SAMMSON: variants seen among roughly 807,000 people sequenced by gnomAD.
SAMMSON encodes long intergenic non-protein coding RNA 1212.
intron 4 of SAMMSON, among the ~76,000 whole-genome samples, chr3:70,245,051 C>T (rs1022939686): frequency 5.9e-5 from 9 of 152,030 alleles, no homozygotes; most frequent in African/African-American, 2.2e-4. Context: ...GAATTGCAAT[C>T]AGGGATTTAC....
chr3:70,404,190 T>C (rs546292325), intron 2 of SAMMSON, among the ~76,000 whole-genome samples: 2 of 152,202 alleles, frequency 1.3e-5, no homozygotes, highest in South Asian at 4.1e-4. Flanking sequence ...ATCATTATAA[T>C]GGTGCTAATG....
intron 4 of SAMMSON, among the ~76,000 whole-genome samples, chr3:70,088,134 A>G (rs999786474): frequency 1.3e-5 from 2 of 152,308 alleles, no homozygotes; most frequent in East Asian, 1.9e-4. Flanking sequence ...AGGGTCTCCA[A>G]ATGCTCTAGG....
chr3:70,034,670 C>A (rs908628840), intron 3 of SAMMSON, among the ~76,000 whole-genome samples: 1 of 152,056 alleles, frequency 6.6e-6, no homozygotes, highest in Admixed American at 6.6e-5. Context: ...ATGGTGAAAC[C>A]CCATCTCTAC....
chr3:70,379,962 A>G (rs1703051927), intron 9 of SAMMSON, among the ~76,000 whole-genome samples: 1 of 152,216 alleles, frequency 6.6e-6, no homozygotes, highest in African/African-American at 2.4e-5. Context: ...TAAAACATCT[A>G]TCAGTGTACT....
At chr3:70,020,712 A>G (rs1225035228) in intron 3 of SAMMSON, among the ~76,000 whole-genome samples, 3 of 152,084 alleles carry the variant, frequency 2.0e-5, no homozygotes, top group African/African-American at 4.8e-5. Context: ...AACAATAATA[A>G]TTAATAATAA....
At chr3:70,396,335 C>T (rs1273252854) in intron 2 of SAMMSON, among the ~76,000 whole-genome samples, 2 of 152,154 alleles carry the variant, frequency 1.3e-5, no homozygotes, top group African/African-American at 4.8e-5. Context: ...TTTCAAATAT[C>T]ATTCAGTGAC....
chr3:70,122,333 C>T (rs182126991), intron 4 of SAMMSON, among the ~76,000 whole-genome samples: 1 of 152,242 alleles, frequency 6.6e-6, no homozygotes, highest in East Asian at 1.9e-4. Context: ...GCTGGGACTA[C>T]AGGCGTGTCC....
chr3:70,129,286 AC>A (rs1202751791), intron 4 of SAMMSON, among the ~76,000 whole-genome samples: 3 of 152,180 alleles, frequency 2.0e-5, no homozygotes, highest in African/African-American at 7.2e-5. Flanking sequence ...TCCAGGTTTT[AC>A]TTTAAGCTTT....
chr3:70,302,787 T>C (rs901861248), intron 7 of SAMMSON: 2 of 152,178 alleles, frequency 1.3e-5, no homozygotes, highest in East Asian at 1.9e-4. Flanking sequence ...TTTGCACTGA[T>C]TAATTCATCT....
intron 1 of SAMMSON, among the ~76,000 whole-genome samples, chr3:70,003,207 T>A (rs1207566890): frequency 6.6e-6 from 1 of 152,094 alleles, no homozygotes; most frequent in Admixed American, 6.5e-5. Context: ...TTTTTAAAAA[T>A]ATTTTGCCTT....
intron 4 of SAMMSON, among the ~76,000 whole-genome samples, chr3:70,151,514 T>C (rs1437044116): frequency 1.3e-5 from 2 of 152,032 alleles, no homozygotes; most frequent in African/African-American, 4.8e-5. Context: ...TTTCCTCCTT[T>C]CTTTGCCTCA....
intron 9 of SAMMSON, among the ~76,000 whole-genome samples, chr3:70,364,483 C>T (rs1702903663): frequency 6.6e-6 from 1 of 151,810 alleles, no homozygotes; most frequent in Non-Finnish European, 1.5e-5. Context: ...TTTATTTCTT[C>T]CCTCTTTAAC....
chr3:70,218,344 C>A (rs1701433816), intron 4 of SAMMSON, among the ~76,000 whole-genome samples: 2 of 152,068 alleles, frequency 1.3e-5, no homozygotes. Flanking sequence ...TATATAGATG[C>A]ATATAGGCAT....
intron 7 of SAMMSON, among the ~76,000 whole-genome samples, chr3:70,293,768 A>G (rs900390023): frequency 6.6e-6 from 1 of 152,058 alleles, no homozygotes; most frequent in African/African-American, 2.4e-5. Context: ...AAAATATAAC[A>G]ATGAGTATCT....
chr3:70,343,747 G>A (rs912792096), intron 7 of SAMMSON, among the ~76,000 whole-genome samples: 1 of 151,942 alleles, frequency 6.6e-6, no homozygotes, highest in Non-Finnish European at 1.5e-5. Flanking sequence ...GGAATGGTCA[G>A]TTGTGCTCTA....
chr3:70,083,308 T>G (rs964587319), intron 4 of SAMMSON, among the ~76,000 whole-genome samples: 1 of 152,166 alleles, frequency 6.6e-6, no homozygotes, highest in Admixed American at 6.5e-5. Flanking sequence ...ACTCTGAAAT[T>G]TAAAGTTTAC....
chr3:70,055,737 A>G (rs1424902446), intron 3 of SAMMSON, among the ~76,000 whole-genome samples: 1 of 152,038 alleles, frequency 6.6e-6, no homozygotes, highest in Non-Finnish European at 1.5e-5. Flanking sequence ...GAAAAAGGAG[A>G]GATTAATTTC....
intron 4 of SAMMSON, among the ~76,000 whole-genome samples, chr3:70,122,695 G>A (rs546854928): frequency 6.6e-6 from 1 of 152,242 alleles, no homozygotes; most frequent in South Asian, 2.1e-4. Context: ...TCTATTTCAG[G>A]CATGTATTCC....
intron 4 of SAMMSON, among the ~76,000 whole-genome samples, chr3:70,240,223 T>C (rs1256588996): frequency 1.3e-5 from 2 of 152,092 alleles, no homozygotes; most frequent in Admixed American, 1.3e-4. Flanking sequence ...AACAGAGCCA[T>C]CCTGGTGAAC....
Sources: gnomAD v4.1 joint callset for allele counts (sites outside exome capture counted in the v4.1 genomes callset) on GRCh38, gnomAD v4.1.1 for gene constraint, MANE v1.5 for transcripts, NCBI Gene and HGNC (gene_info 2026-07-23, HGNC 2026-07-21) for gene names.